PPP1R18: variants seen among roughly 807,000 people sequenced by gnomAD.
The protein encoded by PPP1R18 is protein phosphatase 1 regulatory subunit 18.
A neutral mutation model predicts 54.8 loss-of-function variants in PPP1R18; 31 were observed. That is an observed-to-expected ratio of 0.57 (90% CI 0.43 to 0.76). The LOEUF is 0.76. Among genes scored for constraint, PPP1R18 ranks in the 30% least tolerant of loss-of-function variants. The pLI is 0.00. For synonymous variants in PPP1R18, 310 were observed against 320.2 expected, an observed-to-expected ratio of 0.97 and a Z score of 0.34; for missense variants, 685 against 776.1, an observed-to-expected ratio of 0.88 and a Z score of 1.39.
At chr6:30,678,802 G>A (rs1338543260) in intron 2 of PPP1R18, among the ~76,000 whole-genome samples, 1 of 152,128 alleles carries the variant, frequency 6.6e-6, no homozygotes, top group Admixed American at 6.5e-5. Context: ...TGGGATTACA[G>A]GCATGAGCCA....
upstream of PPP1R18, chr6:30,686,874 C>G (rs958665158): frequency 6.6e-6 from 1 of 152,362 alleles, no homozygotes; most frequent in Non-Finnish European, 1.5e-5. Flanking sequence ...CTGCCCCACG[C>G]GACCCCAGAG....
At chr6:30,679,520 G>C (rs1250235143) in intron 1 of PPP1R18, 131 bp from the exon 2 acceptor site, 1 of 490,522 alleles carries the variant, frequency 2.0e-6, no homozygotes, top group African/African-American at 2.1e-5. Context: ...CGGAACGTGG[G>C]GGTGGGGGCT....
intron 2 of PPP1R18, among the ~76,000 whole-genome samples, chr6:30,678,163 G>A (rs930779374): frequency 5.9e-5 from 9 of 151,696 alleles, no homozygotes; most frequent in Admixed American, 2.0e-4. Context: ...CACCTGCCTC[G>A]GCCTCCCAAA....
chr6:30,684,313 G>A lies in PPP1R18; in HGVS notation c.1611+95C>T. ...GAATTAACAAGAAAGAATAGAGGAA[G>A]ACAAGAAAACAGGGGTATAAAAAAG... On this transcript the variant is annotated intron_variant, in intron 1 of 2. Transcript: ENST00000274853. This position sits in a 1 kb window ranked among gnomAD's most constrained non-coding sequence, Gnocchi z 6.0. The A allele has an allele frequency of 2.4e-6, 3 of 1,255,080 alleles. No homozygotes were observed. Among genetic ancestry groups the A allele is most frequent in the Non-Finnish European group, 3.3e-6 (3 of 913,380 alleles). The allele number at this position is 1,255,080 out of a possible 1,614,324, so 77.7% of individuals were successfully genotyped here.
chr6:30,680,954 G>A (rs747583024), intron 1 of PPP1R18, among the ~76,000 whole-genome samples: 28 of 151,880 alleles, frequency 1.8e-4, no homozygotes, highest in African/African-American at 6.0e-4. Context: ...GCATGGTGGC[G>A]TGCACCTGTA....
At position 30,684,518 on chromosome 6, in the gene PPP1R18, C is replaced by T; in HGVS notation, c.1501G>A (p.Ala501Thr). Residue 501 changes from alanine to threonine, a missense_variant, in exon 1 of 3, where the codon GCT becomes ACT. Transcript: ENST00000274853. The surrounding 1 kb of genome is among the most constrained non-coding windows in gnomAD (Gnocchi z 6.0). ...PATVDAAVPG[A>T]GKKRYPTAEE... ...GCAGTTGGGTACCGCTTCTTCCCAGCCCCCGGGACTGCAGCATCAACTGTG... is the reference window on the plus strand; with the variant it reads ...GCAGTTGGGTACCGCTTCTTCCCAGTCCCCGGGACTGCAGCATCAACTGTG... The T allele has an allele frequency of 1.9e-6, 3 of 1,612,124 alleles. No homozygotes were observed. Among genetic ancestry groups the T allele is most frequent in the Non-Finnish European group, 2.5e-6 (3 of 1,179,504 alleles).
chr6:30,687,406 G>C (rs758594558), upstream of PPP1R18: 4 of 152,954 alleles, frequency 2.6e-5, no homozygotes, highest in Non-Finnish European at 4.4e-5. This position sits in a 1 kb window ranked among gnomAD's most constrained non-coding sequence, Gnocchi z 7.9. Context: ...CTCGCTGCGG[G>C]ACTGCCCTCT....
At chr6:30,687,845 A>C (rs973413986), upstream of PPP1R18, 2 of 152,238 alleles carry the variant, frequency 1.3e-5, no homozygotes, top group African/African-American at 4.8e-5. This position sits in a 1 kb window ranked among gnomAD's most constrained non-coding sequence, Gnocchi z 7.9. Flanking sequence ...GCTGCCGGGA[A>C]AAAGGGGATT....
At chr6:30,682,580 G>T (rs1770608882) in intron 1 of PPP1R18, among the ~76,000 whole-genome samples, 1 of 151,972 alleles carries the variant, frequency 6.6e-6, no homozygotes, top group Non-Finnish European at 1.5e-5. Context: ...GAGGCGTCTG[G>T]GTCAGAGGAA....
In PPP1R18 at chr6:30,686,398, G is replaced by C; in HGVS notation, c.-380C>G. On this transcript the variant is annotated 5_prime_UTR_variant, in exon 1 of 3. Coordinates refer to ENST00000274853, the MANE Select transcript of PPP1R18 (RefSeq NM_133471.4). Reference sequence around the variant, plus strand: ...AGGGCGAAAAGGAAAGTTGGCGTGAGGGAGAAGAGAGAAATGTGGCAGGGG... The same window carrying C: ...AGGGCGAAAAGGAAAGTTGGCGTGACGGAGAAGAGAGAAATGTGGCAGGGG... The C allele has an allele frequency of 4.0e-6, 1 of 247,138 alleles. No homozygotes were observed. The highest frequency in any genetic ancestry group is 7.7e-6 in the Non-Finnish European group (1 of 129,354). The allele number at this position is 247,138 out of a possible 1,614,324, so 15.3% of individuals were successfully genotyped here. A position where few individuals can be genotyped will look rare whatever the true frequency, so the allele number is the denominator to read the frequency against.
rs1770786088 is a variant in PPP1R18 at position 30,684,859 on chromosome 6, C to T, written c.1160G>A (p.Gly387Asp). 1 of 1,612,840 alleles carries T rather than the reference C, an allele frequency of 6.2e-7. No homozygotes were observed. ...GTTCTGCAGGGCTCTCAGAGGCCTG[C>T]CCTGAGCCCCCGCCTCCTCCTTCTC... Reference protein sequence around the residue: ...EAEKEEAGAQGRPLRALQNCC... With the variant: ...EAEKEEAGAQDRPLRALQNCC... Residue 387 changes from glycine (G) to aspartate (D), a missense_variant, in exon 1 of 3, where the codon GGC becomes GAC. Coordinates refer to ENST00000274853, the MANE Select transcript of PPP1R18 (RefSeq NM_133471.4). This position sits in a 1 kb window ranked among gnomAD's most constrained non-coding sequence, Gnocchi z 6.0.
chr6:30,677,869 A>C, intron 2 of PPP1R18, among the ~76,000 whole-genome samples: 1 of 151,920 alleles, frequency 6.6e-6, no homozygotes. Context: ...TAAATAAATA[A>C]ATAAAATTAC....
At position 30,684,569 on chromosome 6, in the gene PPP1R18, T is replaced by A; in HGVS notation, c.1450A>T (p.Thr484Ser). The A allele has an allele frequency of 6.2e-7, 1 of 1,608,982 alleles. No individual in the cohort carries two copies. The highest frequency in any genetic ancestry group is 8.5e-7 in the Non-Finnish European group (1 of 1,178,294). The change falls in exon 1 of 3, where the codon ACC becomes TCC. Residue 484 changes from threonine to serine, a missense_variant. Thr to Ser is a moderately conservative substitution (Grantham distance 58). Transcript: ENST00000274853. The surrounding 1 kb of genome is among the most constrained non-coding windows in gnomAD (Gnocchi z 6.0). ...GCTGGAGAGGTTGGGGTGGCTGGGG[T>A]CGCAGGGGGCACAGACCGCCGGGGG... ...VNPRRSVPPA[T>S]PATPTSPATV...
At chr6:30,678,326 C>T (rs1320367103) in intron 2 of PPP1R18, among the ~76,000 whole-genome samples, 2 of 152,014 alleles carry the variant, frequency 1.3e-5, no homozygotes, top group Non-Finnish European at 1.5e-5. Context: ...GCTCCCACCT[C>T]AGCCTTCCAA....
chr6:30,684,982 G>A lies in PPP1R18; in HGVS notation c.1037C>T (p.Pro346Leu). Residue 346 changes from proline to leucine, a missense_variant, in exon 1 of 3, where the codon CCC (proline) becomes CTC (leucine). Coordinates refer to ENST00000274853, the MANE Select transcript of PPP1R18 (RefSeq NM_133471.4). This position sits in a 1 kb window ranked among gnomAD's most constrained non-coding sequence, Gnocchi z 6.0. ...CTGAGTTTGAGCCTCTATGTCCCTG[G>A]GTGTCCATTCTCGAGCCTTCCCGGA... The part of the protein sequence containing the change: ...LNSGKAREWT[P>L]RDIEAQTQKP... 6.2e-7 allele frequency: 1 copy of A among 1,613,000 alleles called. No homozygotes were observed. Among genetic ancestry groups the A allele is most frequent in the Non-Finnish European group, 8.5e-7 (1 of 1,179,958 alleles).
At chr6:30,682,723 C>T (rs995710951) in intron 1 of PPP1R18, among the ~76,000 whole-genome samples, 6 of 152,008 alleles carry the variant, frequency 3.9e-5, no homozygotes, top group Non-Finnish European at 8.8e-5. Context: ...ACCAGCCTTC[C>T]GGCCCCCACC....
Position 30,686,135 on chromosome 6 carries a change from G to A in PPP1R18, c.-117C>T. 9.3e-7 allele frequency: 1 copy of A among 1,076,208 alleles called. No individual in the cohort carries two copies. The highest frequency in any genetic ancestry group is 1.3e-6 in the Non-Finnish European group (1 of 749,300). The allele number at this position is 1,076,208 out of a possible 1,614,324, so 66.7% of individuals were successfully genotyped here. A position where few individuals can be genotyped will look rare whatever the true frequency, so the allele number is the denominator to read the frequency against. On this transcript the variant is annotated 5_prime_UTR_variant, in exon 1 of 3. Transcript: ENST00000274853. The stretch of plus-strand genomic sequence containing the variant: ...GGTGGGAGGAGAGGAAGTGGAGGGG[G>A]AGAGGTGGGACACAAAGCAGGGCAG...
At position 30,685,815 on chromosome 6, in the gene PPP1R18, T is replaced by G. The variant is rs772307075; in HGVS notation, c.204A>C (p.Gly68=). 7 of 1,612,712 alleles carry G rather than the reference T, an allele frequency of 4.3e-6. No individual in the cohort carries two copies. In the East Asian group the frequency reaches 1.6e-4, roughly 36 times the overall value. Residue 68 remains glycine, a synonymous_variant, in exon 1 of 3, where the codon GGA becomes GGC. Transcript: ENST00000274853. This position sits in a 1 kb window ranked among gnomAD's most constrained non-coding sequence, Gnocchi z 5.0. ...PSPVLGTVEA[G]PPDPDESAVL... ...CCGCAGACTCATCCGGGTCTGGAGG[T>G]CCAGCCTCTACAGTCCCTAGCACAG...
At chr6:30,679,055 T>C in intron 2 of PPP1R18, 124 bp downstream of exon 2, 2 of 680,646 alleles carry the variant, frequency 2.9e-6, no homozygotes. Flanking sequence ...AGGAGCATGT[T>C]GAACCAGAGG....
Sources: allele counts gnomAD v4.1 joint callset (sites outside exome capture counted in the v4.1 genomes callset), GRCh38; gene constraint gnomAD v4.1.1; non-coding constraint Gnocchi (gnomAD v3.1); transcripts MANE v1.5; gene names NCBI Gene and HGNC (gene_info 2026-07-23, HGNC 2026-07-21).